Variants in APOBR observed in about 807,000 individuals in gnomAD.
APOBR encodes the protein apolipoprotein B receptor, also known as apoB-48R.
A neutral mutation model predicts 88.5 loss-of-function variants in APOBR; 57 were observed. That is an observed-to-expected ratio of 0.64 (90% CI 0.52 to 0.80). APOBR has a LOEUF of 0.80. Among genes scored for constraint, APOBR ranks in the 30% least tolerant of loss-of-function variants. The pLI is 0.00. For missense variants in APOBR, 1,443 were observed against 1,401.6 expected (o/e 1.03, Z -0.47); for synonymous variants, 588 against 572.7 (o/e 1.03, Z -0.38).
Position 28,497,443 on chromosome 16 carries a change from G to C in APOBR, c.2402G>C (p.Gly801Ala). 1 of 1,613,940 alleles carries C rather than the reference G, an allele frequency of 6.2e-7. No individual in the cohort carries two copies. The highest frequency in any genetic ancestry group is 1.3e-5 in the African/African-American group (1 of 75,054). ...DSKEKEEAAA[G>A]EHAGGQEFGL... ...AAAGAAAAGGAAGAGGCAGCAGCAG[G>C]AGAGCATGCAGGTGGGCAAGAATTT... The change falls in exon 2 of 4, where the codon GGA becomes GCA. Residue 801 changes from glycine to alanine, a missense_variant. Physicochemically the swap from Gly to Ala is moderately conservative, Grantham distance 60 (BLOSUM62 0). Transcript: ENST00000564831.
chr16:28,497,756 G>A lies in APOBR; in HGVS notation c.2715G>A (p.Gly905=), dbSNP rs939067082. The change falls in exon 2 of 4, where the codon GGG becomes GGA. Residue 905 remains glycine, a synonymous_variant. Transcript: ENST00000564831. The part of the protein sequence containing the change: ...EQREDSEGRC[G]DYHPEGEAPR... ...GGGAAGACAGTGAGGGGCGGTGTGG[G>A]GACTACCACCCTGAGGGAGAGGCAC... is the stretch of plus-strand genomic sequence containing the variant. 1.9e-6 allele frequency: 3 copies of A among 1,603,916 alleles called. No individual in the cohort carries two copies. Among genetic ancestry groups the A allele is most frequent in the Admixed American group, 1.7e-5 (1 of 57,834 alleles).
Position 28,495,299 on chromosome 16 carries a change from TGAC to T in APOBR, c.259_261del (p.Asp87del). On this transcript the variant is annotated inframe_deletion, in exon 2 of 4. Transcript: ENST00000564831. ...CTGGAAGGCTGAGAGGGCCTGGAGA[TGAC>T]AGAAGACATGAAGTGGGGAGCTCAG... 1 of 1,537,944 alleles carries T rather than the reference TGAC, an allele frequency of 6.5e-7. No homozygotes were observed. Among genetic ancestry groups the T allele is most frequent in the Non-Finnish European group, 8.8e-7 (1 of 1,142,822 alleles).
chr16:28,496,434 C>T lies in APOBR; in HGVS notation c.1393C>T (p.Leu465=), dbSNP rs769835417. 4 of 1,612,056 alleles carry T rather than the reference C, an allele frequency of 2.5e-6. No individual in the cohort carries two copies. Among genetic ancestry groups the T allele is most frequent in the African/African-American group, 1.3e-5 (1 of 74,816 alleles). Reference sequence around the variant, plus strand: ...GGAGAGCTTTGAGGGCCAGGTAGACCTGCGTGGTAAGGAGGCTGAGATGAG... The same window carrying T: ...GGAGAGCTTTGAGGGCCAGGTAGACTTGCGTGGTAAGGAGGCTGAGATGAG... ...AGESFEGQVD[L]RGKEAEMRQD... The change falls in exon 2 of 4, where the codon CTG becomes TTG. Residue 465 remains leucine, a synonymous_variant. Transcript: ENST00000564831.
Position 28,497,000 on chromosome 16 carries a change from G to C in APOBR, c.1959G>C (p.Ala653=). ...AGCAGCGGGAGGAGGAGGAGACTGCGGGAGGCCAGACCCTGGCGGCTGAGG... is the reference window on the plus strand; with the variant it reads ...AGCAGCGGGAGGAGGAGGAGACTGCCGGAGGCCAGACCCTGGCGGCTGAGG... The part of the protein sequence containing the change: ...DGEQREEEET[A]GGQTLAAEAE... Residue 653 remains alanine (A), a synonymous_variant, in exon 2 of 4, where the codon GCG becomes GCC. Transcript: ENST00000564831. 1.9e-6 allele frequency: 3 copies of C among 1,570,490 alleles called. No individual in the cohort carries two copies. The highest frequency in any genetic ancestry group is 2.6e-6 in the Non-Finnish European group (3 of 1,158,516).
Position 28,496,723 on chromosome 16 carries a change from G to A in APOBR, c.1682G>A (p.Gly561Asp). Residue 561 changes from glycine (G) to aspartate (D), a missense_variant, in exon 2 of 4, where the codon GGC becomes GAC. By Grantham distance (94) the Gly-to-Asp change is moderately conservative. Transcript: ENST00000564831. ...WGGLTHSVTK[G>D]QGPELMGGAQ... The stretch of plus-strand genomic sequence containing the variant: ...GGCCTCACACACAGCGTCACCAAAG[G>A]CCAAGGACCTGAGCTGATGGGGGGC... 2 of 1,599,716 alleles carry A rather than the reference G, an allele frequency of 1.3e-6. No homozygotes were observed. The highest frequency in any genetic ancestry group is 1.7e-6 in the Non-Finnish European group (2 of 1,173,672).
At position 28,498,269 on chromosome 16, in the gene APOBR, G is replaced by A. The variant is rs2046409751; in HGVS notation, c.3144G>A (p.Gln1048=). 1.9e-6 allele frequency: 3 copies of A among 1,605,270 alleles called. No homozygotes were observed. Among genetic ancestry groups the A allele is most frequent in the Admixed American group, 1.7e-5 (1 of 58,538 alleles). ...ELSAPEQRPL[Q]LEEPLEPSPL... The stretch of plus-strand genomic sequence containing the variant: ...CAGCTCCTGAGCAGAGACCCCTCCA[G>A]CTGGAGGAACCCCTGGAGCCAAGCC... Residue 1048 remains glutamine, a synonymous_variant, in exon 3 of 4, where the codon CAG becomes CAA. Coordinates refer to ENST00000564831, the MANE Select transcript of APOBR (RefSeq NM_018690.4).
At position 28,494,711 on chromosome 16, in the gene APOBR, G is replaced by T; in HGVS notation, c.30G>T (p.Gly10=). ...ACTTCCTCCGGCTATACCTCCCTGGGCTGCACCAGGCCTTGAGGGGGGCAC... is the reference window on the plus strand; with the variant it reads ...ACTTCCTCCGGCTATACCTCCCTGGTCTGCACCAGGCCTTGAGGGGGGCAC... MDFLRLYLP[G]LHQALRGALD... The change falls in exon 1 of 4, where the codon GGG becomes GGT. Residue 10 remains glycine, a synonymous_variant. Coordinates refer to ENST00000564831, the MANE Select transcript of APOBR (RefSeq NM_018690.4). 3 of 1,612,408 alleles carry T rather than the reference G, an allele frequency of 1.9e-6. No individual in the cohort carries two copies. Among genetic ancestry groups the T allele is most frequent in the Non-Finnish European group, 2.5e-6 (3 of 1,178,994 alleles).
At position 28,497,038 on chromosome 16, in the gene APOBR, G is replaced by A. The variant is rs143668661; in HGVS notation, c.1997G>A (p.Arg666Gln). The change falls in exon 2 of 4, where the codon CGA (arginine) becomes CAA (glutamine). Residue 666 changes from arginine to glutamine, a missense_variant. Arg to Gln is a conservative substitution (Grantham distance 43, BLOSUM62 1). Coordinates refer to ENST00000564831, the MANE Select transcript of APOBR (RefSeq NM_018690.4). Reference sequence around the variant, plus strand: ...CTGGCGGCTGAGGCTGAAGGAGACCGAGAGTCTGAACTATCAGAAGTCCCA... The same window carrying A: ...CTGGCGGCTGAGGCTGAAGGAGACCAAGAGTCTGAACTATCAGAAGTCCCA... ...QTLAAEAEGD[R>Q]ESELSEVPEA... 19 of 1,585,688 alleles carry A rather than the reference G, an allele frequency of 1.2e-5. No homozygotes were observed. The highest frequency in any genetic ancestry group is 6.9e-5 in the East Asian group (3 of 43,776).
In APOBR at chr16:28,497,534, C is replaced by T. The variant is rs765725030; in HGVS notation, c.2493C>T (p.Ser831=). ...GCAGCCAAGTAGAGGCTTTTGAGTC[C>T]AGGGAGGGAGGACCTTGGGGAGGGC... The part of the protein sequence containing the change: ...GRGSQVEAFE[S]REGGPWGGRV... The change falls in exon 2 of 4, where the codon TCC becomes TCT. Residue 831 remains serine, a synonymous_variant. Coordinates refer to ENST00000564831, the MANE Select transcript of APOBR (RefSeq NM_018690.4). The T allele has an allele frequency of 1.2e-6, 2 of 1,610,074 alleles. No individual in the cohort carries two copies. The highest frequency in any genetic ancestry group is 1.7e-6 in the Non-Finnish European group (2 of 1,178,090).
In APOBR at chr16:28,495,889, C is replaced by T. The variant is rs746885439; in HGVS notation, c.848C>T (p.Ala283Val). The T allele has an allele frequency of 3.1e-6, 5 of 1,611,378 alleles. No individual in the cohort carries two copies. The highest frequency in any genetic ancestry group is 3.4e-6 in the Non-Finnish European group (4 of 1,178,856). The change falls in exon 2 of 4, where the codon GCC becomes GTC. Residue 283 changes from alanine to valine, a missense_variant. By Grantham distance (64) the Ala-to-Val change is moderately conservative. Transcript: ENST00000564831. ...EDWGILGREEARTTPGREEAR... is the reference protein window; with the variant it reads ...EDWGILGREEVRTTPGREEAR... ...TGGGGAATCTTAGGCAGAGAGGAGG[C>T]CAGGACAACCCCAGGTAGGGAAGAG...
chr16:28,494,877 A>G, intron 1 of APOBR, 139 bp downstream of exon 1: 1 of 945,034 alleles, frequency 1.1e-6, no homozygotes, highest in Non-Finnish European at 1.6e-6. Context: ...AGGTTCAGGC[A>G]GACTCCTGGC....
rs939053354 is a variant in APOBR at position 28,496,997 on chromosome 16, T to C, written c.1956T>C (p.Thr652=). The C allele has an allele frequency of 2.0e-5, 31 of 1,569,022 alleles. No individual in the cohort carries two copies. In the East Asian group the frequency reaches 5.1e-4, roughly 26 times the overall value. The change falls in exon 2 of 4, where the codon ACT becomes ACC. Residue 652 remains threonine (T), a synonymous_variant. Coordinates refer to ENST00000564831, the MANE Select transcript of APOBR (RefSeq NM_018690.4). ...ADGEQREEEE[T]AGGQTLAAEA... is the part of the protein sequence containing the mutation. ...GCGAGCAGCGGGAGGAGGAGGAGAC[T>C]GCGGGAGGCCAGACCCTGGCGGCTG...
At position 28,497,199 on chromosome 16, in the gene APOBR, G is replaced by A. The variant is rs1057304492; in HGVS notation, c.2158G>A (p.Ala720Thr). ...AGGGCCTTGCCCGTCACTGGGAGAG[G>A]CCTATGCCAGAGAAACTGAGGATGA... is the stretch of plus-strand genomic sequence containing the variant. ...DAGPCPSLGE[A>T]YARETEDEEA... is the part of the protein sequence containing the mutation. Residue 720 changes from alanine (A) to threonine (T), a missense_variant, in exon 2 of 4, where the codon GCC becomes ACC. By Grantham distance (58) the Ala-to-Thr change is moderately conservative. Coordinates refer to ENST00000564831, the MANE Select transcript of APOBR (RefSeq NM_018690.4). 1.3e-6 allele frequency: 2 copies of A among 1,597,180 alleles called. No homozygotes were observed. The highest frequency in any genetic ancestry group is 1.7e-6 in the Non-Finnish European group (2 of 1,172,502).
At chr16:28,494,794 TC>T in intron 1 of APOBR, 56 bp downstream of exon 1, 14 of 1,518,734 alleles carry the variant, frequency 9.2e-6, no homozygotes, top group Non-Finnish European at 1.3e-5. Flanking sequence ...GGGCCTCACT[TC>T]CGGGCACCTC....
In APOBR at chr16:28,495,409, C is replaced by T. The variant is rs1234132004; in HGVS notation, c.368C>T (p.Thr123Ile). 1.3e-6 allele frequency: 2 copies of T among 1,561,598 alleles called. No homozygotes were observed. The highest frequency in any genetic ancestry group is 1.7e-6 in the Non-Finnish European group (2 of 1,153,460). The change falls in exon 2 of 4, where the codon ACA becomes ATA. Residue 123 changes from threonine (T) to isoleucine (I), a missense_variant. Transcript: ENST00000564831. ...AGGCAGGACAGTGGGGCTGGGGAGA[C>T]AGCCAAGGCTGCCAGGTGCCAGGAG... ...AERQDSGAGETAKAARCQEPS... is the reference protein window; with the variant it reads ...AERQDSGAGEIAKAARCQEPS...
chr16:28,498,032 T>TG, intron 2 of APOBR, 36 bp downstream of exon 2: 1 of 1,548,888 alleles, frequency 6.5e-7, no homozygotes, highest in Non-Finnish European at 8.7e-7. Context: ...GGGGAACGAG[T>TG]GGAATCCCGA....
chr16:28,495,788 G>GT lies in APOBR; in HGVS notation c.747_748insT (p.Val250CysfsTer9). 1 of 1,589,464 alleles carries GT rather than the reference G, an allele frequency of 6.3e-7. No individual in the cohort carries two copies. Among genetic ancestry groups the GT allele is most frequent in the African/African-American group, 1.3e-5 (1 of 74,696 alleles). ...CCGAAGGGGCTGGGAAAGGAGAAGA[G>GT]GTGGTAGTGGTGGAGAAGGCCTGTG... On this transcript the variant is annotated frameshift_variant, in exon 2 of 4. Coordinates refer to ENST00000564831, the MANE Select transcript of APOBR (RefSeq NM_018690.4). LOFTEE classifies it high-confidence loss of function.
In APOBR at chr16:28,498,806, G is replaced by A; in HGVS notation, c.*301G>A. The stretch of plus-strand genomic sequence containing the variant: ...AGCTGTCTGGACTGCAAGGAGGCTG[G>A]GCACGGGGGCTCACGCCTGTCACCC... On this transcript the variant is annotated 3_prime_UTR_variant, in exon 4 of 4. Transcript: ENST00000564831. The A allele has an allele frequency of 3.5e-6, 2 of 570,812 alleles. No homozygotes were observed. The highest frequency in any genetic ancestry group is 3.9e-5 in the South Asian group (2 of 51,044). The allele number at this position is 570,812 out of a possible 1,614,324, so 35.4% of individuals were successfully genotyped here. A position where few individuals can be genotyped will look rare whatever the true frequency, so the allele number is the denominator to read the frequency against.
chr16:28,496,333 T>C lies in APOBR; in HGVS notation c.1292T>C (p.Leu431Pro). The part of the protein sequence containing the change: ...VSPFPKQPQV[L>P]GTERTEEAAE... ...CCTTTCCCCAAACAGCCCCAGGTCC[T>C]GGGCACTGAAAGAACAGAAGAGGCT... The change falls in exon 2 of 4, where the codon CTG becomes CCG. Residue 431 changes from leucine to proline, a missense_variant. Transcript: ENST00000564831. 1 of 1,587,418 alleles carries C rather than the reference T, an allele frequency of 6.3e-7. No homozygotes were observed. The highest frequency in any genetic ancestry group is 2.2e-5 in the East Asian group (1 of 44,582).
Sources: allele counts gnomAD v4.1 joint callset, GRCh38; gene constraint gnomAD v4.1.1; transcripts MANE v1.5; gene names NCBI Gene and HGNC (gene_info 2026-07-23, HGNC 2026-07-21).